Variants in PDCD1 observed in about 807,000 individuals in gnomAD.
The protein encoded by PDCD1 is programmed cell death protein 1.
PDCD1 carries 10 observed loss-of-function variants against 23.6 expected under a neutral mutation model. That is an observed-to-expected ratio of 0.42 (90% CI 0.26 to 0.72). The LOEUF (loss-of-function observed/expected upper bound fraction) is 0.72. Ranked by LOEUF, PDCD1 falls within the 30% of genes least tolerant of loss-of-function variation. The pLI is 0.24. For synonymous variants in PDCD1, 168 were observed against 169.3 expected, an observed-to-expected ratio of 0.99 and a Z score of 0.06; for missense variants, 313 against 397.8, an observed-to-expected ratio of 0.79 and a Z score of 1.81.
In PDCD1 at chr2:241,858,861, T is replaced by C. The variant is rs977748775; in HGVS notation, c.-23A>G. The C allele has an allele frequency of 2.6e-6, 4 of 1,554,844 alleles. No homozygotes were observed. The African/African-American group carries it at 5.4e-5, about 21-fold the overall frequency. ...CATGCCTGGAGCAGCCCCACCAGAGTGCCGCCTTCTCCACTGCTCAGGCGG... is the reference window on the plus strand; with the variant it reads ...CATGCCTGGAGCAGCCCCACCAGAGCGCCGCCTTCTCCACTGCTCAGGCGG... On this transcript the variant is annotated 5_prime_UTR_variant, in exon 1 of 5. Coordinates refer to ENST00000334409, the MANE Select transcript of PDCD1 (RefSeq NM_005018.3).
chr2:241,850,683 G>A lies in PDCD1; in HGVS notation c.*375C>T. On this transcript the variant is annotated 3_prime_UTR_variant, in exon 5 of 5. Transcript: ENST00000334409. Reference sequence around the variant, plus strand: ...CCAAGTTCAGGCAGGAGGCTCCGGGGCGTCAGGCAGGGCCACGGCGCCTTC... The same window carrying A: ...CCAAGTTCAGGCAGGAGGCTCCGGGACGTCAGGCAGGGCCACGGCGCCTTC... 1 of 517,070 alleles carries A rather than the reference G, an allele frequency of 1.9e-6. No homozygotes were observed. The highest frequency in any genetic ancestry group is 3.6e-6 in the Non-Finnish European group (1 of 277,822). The allele number at this position is 517,070 out of a possible 1,614,324, so 32.0% of individuals were successfully genotyped here.
At chr2:241,852,550 C>CAG in intron 2 of PDCD1, 71 bp downstream of exon 2, 6 of 1,548,038 alleles carry the variant, frequency 3.9e-6, no homozygotes, top group South Asian at 1.2e-5. Flanking sequence ...GCTCCTGATC[C>CAG]TGTGCAGGAG....
At position 241,850,723 on chromosome 2, in the gene PDCD1, GGCAGCAGCAGCAGCA is replaced by G. The variant is rs56029561; in HGVS notation, c.*320_*334del. The G allele has an allele frequency of 1.2e-5, 7 of 579,500 alleles. No homozygotes were observed. The highest frequency in any genetic ancestry group is 1.1e-4 in the African/African-American group (6 of 54,900). The allele number at this position is 579,500 out of a possible 1,614,324, so 35.9% of individuals were successfully genotyped here. ...ACGGCGCCTTCAGCCCCGGGCCGCA[GGCAGCAGCAGCAGCA>G]GCAGCAGCAGCAGCAGAGATTCAGG... On this transcript the variant is annotated 3_prime_UTR_variant, in exon 5 of 5. Transcript: ENST00000334409.
intron 1 of PDCD1, among the ~76,000 whole-genome samples, chr2:241,855,855 G>A (rs554321868): frequency 4.6e-5 from 7 of 152,248 alleles, no homozygotes; most frequent in South Asian, 2.1e-4. Flanking sequence ...CCTCACAGTC[G>A]TGTGTGTGTG....
chr2:241,855,116 C>CA (rs764870710), intron 1 of PDCD1, among the ~76,000 whole-genome samples: 78 of 151,918 alleles, frequency 5.1e-4, no homozygotes, highest in Non-Finnish European at 7.1e-4. Context: ...GCTCCTGTTC[C>CA]GCCCCCCCCA....
At position 241,850,895 on chromosome 2, in the gene PDCD1, C is replaced by CA; in HGVS notation, c.*162_*163insT. ...TTGAGACATGAGTCCTGTGGTGGGG[C>CA]TGTGCCTGGTGCAGGTGCAGGCTGG... On this transcript the variant is annotated 3_prime_UTR_variant, in exon 5 of 5. Transcript: ENST00000334409. 1.2e-6 allele frequency: 1 copy of CA among 813,320 alleles called. No individual in the cohort carries two copies. Among genetic ancestry groups the CA allele is most frequent in the Non-Finnish European group, 1.9e-6 (1 of 523,066 alleles). The allele number at this position is 813,320 out of a possible 1,614,324, so 50.4% of individuals were successfully genotyped here. A position where few individuals can be genotyped will look rare whatever the true frequency, so the allele number is the denominator to read the frequency against.
At position 241,852,347 on chromosome 2, in the gene PDCD1, C is replaced by T. The variant is rs772850929; in HGVS notation, c.443G>A (p.Arg148Lys). Residue 148 changes from arginine (R) to lysine (K), a missense_variant, in exon 3 of 5, where the codon AGG becomes AAG. Physicochemically the swap from Arg to Lys is conservative, Grantham distance 26. Transcript: ENST00000334409. ...LRAELRVTER[R>K]AEVPTAHPSP... is the part of the protein sequence containing the mutation. ...GGGGTGGGCTGTGGGCACTTCTGCCCTTCTCTCTGGAAGGGCACAAAGGTC... is the reference window on the plus strand; with the variant it reads ...GGGGTGGGCTGTGGGCACTTCTGCCTTTCTCTCTGGAAGGGCACAAAGGTC... 1 of 1,585,510 alleles carries T rather than the reference C, an allele frequency of 6.3e-7. No individual in the cohort carries two copies.
intron 3 of PDCD1, 72 bp downstream of exon 3, chr2:241,852,126 G>T: frequency 1.3e-6 from 2 of 1,530,154 alleles, no homozygotes; most frequent in Non-Finnish European, 1.8e-6. Flanking sequence ...AAGGGTGGAG[G>T]AAGGGGAGGC....
chr2:241,857,760 C>G (rs1575403019), intron 1 of PDCD1, among the ~76,000 whole-genome samples: 2 of 152,306 alleles, frequency 1.3e-5, no homozygotes, highest in South Asian at 4.1e-4. Flanking sequence ...GAAGGGGCAC[C>G]AGGACCCCCG....
At chr2:241,856,044 A>G (rs960096834) in intron 1 of PDCD1, among the ~76,000 whole-genome samples, 1 of 152,144 alleles carries the variant, frequency 6.6e-6, no homozygotes, top group African/African-American at 2.4e-5. Flanking sequence ...TCCTGTACAG[A>G]GTCACCCGTG....
intron 4 of PDCD1, among the ~76,000 whole-genome samples, 171 bp downstream of exon 4, chr2:241,851,778 C>G (rs1700908328): frequency 6.6e-6 from 1 of 152,086 alleles, no homozygotes; most frequent in Non-Finnish European, 1.5e-5. Context: ...GGCTGGGGCC[C>G]CAGATCATGG....
At chr2:241,853,245 C>A (rs1700947706) in intron 1 of PDCD1, among the ~76,000 whole-genome samples, 1 of 149,492 alleles carries the variant, frequency 6.7e-6, no homozygotes, top group African/African-American at 2.4e-5. Flanking sequence ...AGAGCCTTCA[C>A]CCCCTTCCCC....
chr2:241,855,224 C>T (rs1251626870), intron 1 of PDCD1, among the ~76,000 whole-genome samples: 1 of 151,772 alleles, frequency 6.6e-6, no homozygotes, highest in Non-Finnish European at 1.5e-5. Flanking sequence ...GGGGGCTAGA[C>T]CTCGGTGTCT....
At chr2:241,856,073 C>T (rs1407899512) in intron 1 of PDCD1, among the ~76,000 whole-genome samples, 1 of 152,176 alleles carries the variant, frequency 6.6e-6, no homozygotes. Context: ...AAGGCAGAGC[C>T]TGGGGGATGC....
At position 241,853,163 on chromosome 2, in the gene PDCD1, C is replaced by T. The variant is rs561716903; in HGVS notation, c.77-183G>A. Among the ~76,000 whole-genome samples, 3 of 152,396 alleles carry T rather than the reference C, an allele frequency of 2.0e-5. No homozygotes were observed. The South Asian group carries it at 6.2e-4, about 32-fold the overall frequency. On this transcript the variant is annotated intron_variant, in intron 1 of 4. Transcript: ENST00000334409. ...GGCACTGGCCTCCACTGCAGAGCCT[C>T]TTCCTTCTACGTGAGGCTGCAGCTT...
chr2:241,851,388 G>T, intron 4 of PDCD1, 91 bp from the exon 5 acceptor site: 2 of 1,368,588 alleles, frequency 1.5e-6, no homozygotes, highest in Non-Finnish European at 2.0e-6. Flanking sequence ...TACCGGCACC[G>T]AACCTGGGCC....
rs369867551 is a variant in PDCD1, at chr2:241,851,001, C to T, written c.*57G>A. The T allele has an allele frequency of 2.4e-5, 37 of 1,561,028 alleles. No homozygotes were observed. The highest frequency in any genetic ancestry group is 2.2e-4 in the Middle Eastern group (1 of 4,470). On this transcript the variant is annotated 3_prime_UTR_variant, in exon 5 of 5. Transcript: ENST00000334409. The stretch of plus-strand genomic sequence containing the variant: ...CCTGCCTGCTTCTCCTGAGGAAATG[C>T]GCTGACCCGGGCTCATGGTGGAGGG...
intron 3 of PDCD1, 76 bp downstream of exon 3, chr2:241,852,122 G>A: frequency 6.6e-7 from 1 of 1,522,692 alleles, no homozygotes; most frequent in Admixed American, 2.0e-5. Flanking sequence ...AGGGAAGGGT[G>A]GAGGAAGGGG....
intron 1 of PDCD1, among the ~76,000 whole-genome samples, chr2:241,855,148 C>T (rs1009047349): frequency 1.3e-5 from 2 of 151,866 alleles, no homozygotes; most frequent in African/African-American, 2.4e-5. Flanking sequence ...TTGGAATCCA[C>T]CCCGGGGAGC....
Sources: gnomAD v4.1 joint callset for allele counts (sites outside exome capture counted in the v4.1 genomes callset) on GRCh38, gnomAD v4.1.1 for gene constraint, MANE v1.5 for transcripts, NCBI Gene and HGNC (gene_info 2026-07-23, HGNC 2026-07-21) for gene names.